Variants in ABCA13 observed in about 807,000 individuals in gnomAD.
The protein encoded by ABCA13 is ATP binding cassette subfamily A member 13, also known as ATP-binding cassette sub-family A member 13.
A neutral mutation model predicts 478.7 loss-of-function variants in ABCA13; 476 were observed. The observed-to-expected ratio is 0.99, with a 90% CI of 0.92 to 1.07. The LOEUF (loss-of-function observed/expected upper bound fraction) is 1.07, where lower values mean the gene tolerates loss of function less well. Ranked by LOEUF, ABCA13 falls within the 50% of genes least tolerant of loss-of-function variation. The pLI is 0.00. For synonymous variants in ABCA13, 2,252 were observed against 2,158.9 expected (o/e 1.04, Z -1.20); for missense variants, 6,060 against 5,910.6 (o/e 1.03, Z -0.83).
intron 58 of ABCA13, among the ~76,000 whole-genome samples, chr7:48,599,861 G>A (rs1379985004): frequency 6.6e-6 from 1 of 152,198 alleles, no homozygotes; most frequent in Admixed American, 6.5e-5. Flanking sequence ...CTATCCTAGA[G>A]AATTGTCTAT....
chr7:48,535,637 G>A (rs1833517578), intron 55 of ABCA13, among the ~76,000 whole-genome samples: 1 of 152,112 alleles, frequency 6.6e-6, no homozygotes, highest in African/African-American at 2.4e-5. Context: ...GATGGGGGCA[G>A]AGTTAGGTGT....
chr7:48,608,977 T>C (rs976038913), intron 58 of ABCA13, among the ~76,000 whole-genome samples: 1 of 152,194 alleles, frequency 6.6e-6, no homozygotes, highest in Non-Finnish European at 1.5e-5. Context: ...TTTTCTTGTA[T>C]TTTACTTCAG....
At chr7:48,487,661 G>A (rs765100427) in intron 47 of ABCA13, among the ~76,000 whole-genome samples, 84 of 152,162 alleles carry the variant, frequency 5.5e-4, no homozygotes, top group Non-Finnish European at 9.6e-4. Flanking sequence ...CACAGACCAG[G>A]CTAGTGGGAG....
intron 55 of ABCA13, among the ~76,000 whole-genome samples, chr7:48,530,360 A>T (rs1264967228): frequency 6.6e-6 from 1 of 151,796 alleles, no homozygotes. Context: ...ATATACACAT[A>T]TATACATATA....
intron 1 of ABCA13, among the ~76,000 whole-genome samples, chr7:48,179,915 G>T (rs1015074409): frequency 6.6e-6 from 1 of 152,088 alleles, no homozygotes; most frequent in Admixed American, 6.5e-5. Flanking sequence ...CCACACTCCT[G>T]CGTGACAGAA....
chr7:48,528,521 A>G (rs141479538), intron 55 of ABCA13, among the ~76,000 whole-genome samples, 176 bp downstream of exon 55: 2 of 152,240 alleles, frequency 1.3e-5, no homozygotes, highest in East Asian at 3.9e-4. Flanking sequence ...GAATAAACTG[A>G]GCTCAGTACT....
At chr7:48,529,884 C>T (rs548732504) in intron 55 of ABCA13, among the ~76,000 whole-genome samples, 3 of 152,250 alleles carry the variant, frequency 2.0e-5, no homozygotes, top group Admixed American at 6.5e-5. Flanking sequence ...CAGTTTTCTA[C>T]ACTTTCTCTA....
intron 27 of ABCA13, among the ~76,000 whole-genome samples, chr7:48,323,476 G>A (rs1803822166): frequency 6.6e-6 from 1 of 152,208 alleles, no homozygotes; most frequent in Non-Finnish European, 1.5e-5. Flanking sequence ...CAGTAGCTTT[G>A]TCTGAGTTTA....
chr7:48,279,278 A>G lies in ABCA13; in HGVS notation c.8084A>G (p.Tyr2695Cys). The G allele has an allele frequency of 6.3e-7, 1 of 1,587,946 alleles. No homozygotes were observed. The change falls in exon 18 of 62, where the codon TAC becomes TGC. Residue 2695 changes from tyrosine (Y) to cysteine (C), a missense_variant. Coordinates refer to ENST00000435803, the MANE Select transcript of ABCA13 (RefSeq NM_152701.5). Reference sequence around the variant, plus strand: ...ATCACCAACCAAATGGACTTCTTATACCCTAATCCAATTTCCACTCATAGT... The same window carrying G: ...ATCACCAACCAAATGGACTTCTTATGCCCTAATCCAATTTCCACTCATAGT... ...NNITNQMDFLYPNPISTHSGP... is the reference protein window; with the variant it reads ...NNITNQMDFLCPNPISTHSGP...
At chr7:48,388,925 T>C in intron 36 of ABCA13, 115 bp from the exon 37 acceptor site, 2 of 1,208,822 alleles carry the variant, frequency 1.7e-6, no homozygotes, top group South Asian at 2.9e-5. Flanking sequence ...AGTTGATTTG[T>C]GTGCTTCACA....
intron 48 of ABCA13, among the ~76,000 whole-genome samples, chr7:48,495,039 C>G (rs769414075): frequency 2.0e-5 from 3 of 152,032 alleles, no homozygotes; most frequent in Admixed American, 6.6e-5. Flanking sequence ...GAAAATGAAT[C>G]GAACACAAAA....
intron 55 of ABCA13, among the ~76,000 whole-genome samples, chr7:48,528,678 T>G (rs564824709): frequency 9.0e-4 from 137 of 152,266 alleles, no homozygotes; most frequent in Middle Eastern, 3.4e-3. Context: ...GGGGTGGTTC[T>G]TCTTTATTCT....
chr7:48,591,232 T>C lies in ABCA13; in HGVS notation c.14641-3478T>C, dbSNP rs142583329. On this transcript the variant is annotated intron_variant, in intron 57 of 61. Coordinates refer to ENST00000435803, the MANE Select transcript of ABCA13 (RefSeq NM_152701.5). Reference sequence around the variant, plus strand: ...TCCCAAAGCCATATATTGAAGAGACTGTCCTTTTCCCAGTTTTAATTTCAG... The same window carrying C: ...TCCCAAAGCCATATATTGAAGAGACCGTCCTTTTCCCAGTTTTAATTTCAG... 1.4e-4 allele frequency among the ~76,000 whole-genome samples: 21 copies of C among 152,162 alleles called. No homozygotes were observed. The East Asian group carries it at 3.9e-3, about 28-fold the overall frequency.
chr7:48,562,103 A>T (rs1786517874), intron 55 of ABCA13, among the ~76,000 whole-genome samples: 4 of 127,084 alleles, frequency 3.1e-5, no homozygotes, highest in South Asian at 2.3e-4. Context: ...ATGCATATGT[A>T]TGGGGGGGGA....
At chr7:48,573,868 G>A (rs573663878) in intron 55 of ABCA13, among the ~76,000 whole-genome samples, 2 of 152,102 alleles carry the variant, frequency 1.3e-5, no homozygotes, top group East Asian at 1.9e-4. Context: ...ATTGCTGTGG[G>A]GAAGGGATCT....
chr7:48,553,452 T>C (rs116050961), intron 55 of ABCA13, among the ~76,000 whole-genome samples: 2,657 of 152,166 alleles, frequency 0.017, 83 homozygotes, highest in African/African-American at 0.06. Flanking sequence ...CCCTTTTCTC[T>C]GCATCCTCTC....
At chr7:48,522,297 C>A (rs573038589) in intron 53 of ABCA13, among the ~76,000 whole-genome samples, 1 of 152,154 alleles carries the variant, frequency 6.6e-6, no homozygotes, top group South Asian at 2.1e-4. Flanking sequence ...CACTTCCTTG[C>A]TGTCCTTCCC....
intron 38 of ABCA13, 101 bp from the exon 39 acceptor site, chr7:48,403,582 A>G (rs1817885849): frequency 5.8e-6 from 7 of 1,197,664 alleles, no homozygotes; most frequent in Non-Finnish European, 1.2e-6. Flanking sequence ...TTTGTGGTTT[A>G]TAACGATTTC....
At chr7:48,357,497 C>T (rs936742985) in intron 31 of ABCA13, among the ~76,000 whole-genome samples, 1 of 152,032 alleles carries the variant, frequency 6.6e-6, no homozygotes, top group Non-Finnish European at 1.5e-5. Flanking sequence ...AAGCCCCACA[C>T]AGCTCTTACA....
Sources: allele counts gnomAD v4.1 joint callset (sites outside exome capture counted in the v4.1 genomes callset), GRCh38; gene constraint gnomAD v4.1.1; transcripts MANE v1.5; gene names NCBI Gene and HGNC (gene_info 2026-07-23, HGNC 2026-07-21).